The following BBX variants were observed in gnomAD, a reference collection of about 807,000 sequenced individuals.
The protein encoded by BBX is HMG box transcription factor BBX.
Under a neutral mutation model 100.2 loss-of-function variants are expected in BBX, and 30 were observed. The ratio of observed to expected loss-of-function variants is 0.30; its 90% CI spans 0.22 to 0.41. The LOEUF (loss-of-function observed/expected upper bound fraction) is 0.41. Among genes scored for constraint, BBX ranks in the 10% least tolerant of loss-of-function variants. The pLI, the probability that BBX is intolerant of heterozygous loss-of-function variation, is 1.00. For synonymous variants in BBX, 376 were observed against 388.1 expected (o/e 0.97, Z 0.37); for missense variants, 1,023 against 1,129.8 (o/e 0.91, Z 1.35).
chr3:107,693,789 G>A (rs1342297383), intron 3 of BBX, among the ~76,000 whole-genome samples: 22 of 151,170 alleles, frequency 1.5e-4, no homozygotes, highest in South Asian at 4.2e-4. Flanking sequence ...TACCTTGGGT[G>A]GTATGGCCAT....
intron 2 of BBX, among the ~76,000 whole-genome samples, chr3:107,531,334 TC>T (rs2048147082): frequency 6.6e-6 from 1 of 152,178 alleles, no homozygotes; most frequent in Non-Finnish European, 1.5e-5. Context: ...TCCTGCTGCC[TC>T]TATTGCTTAT....
chr3:107,741,581 A>T (rs1019001954), intron 7 of BBX, among the ~76,000 whole-genome samples: 1 of 152,162 alleles, frequency 6.6e-6, no homozygotes, highest in African/African-American at 2.4e-5. Context: ...CTACTTATTT[A>T]ATATTTTTTC....
chr3:107,620,565 G>A (rs2055665603), intron 2 of BBX, among the ~76,000 whole-genome samples: 2 of 152,182 alleles, frequency 1.3e-5, no homozygotes, highest in South Asian at 2.1e-4. Flanking sequence ...GGATGGCGCT[G>A]TCTTATTATT....
intron 2 of BBX, among the ~76,000 whole-genome samples, chr3:107,627,617 A>G (rs1180431452): frequency 1.3e-5 from 2 of 152,194 alleles, no homozygotes; most frequent in Non-Finnish European, 2.9e-5. Flanking sequence ...TGCATTTTTT[A>G]TGATTGAATA....
At chr3:107,632,862 A>G (rs1308054874) in intron 2 of BBX, among the ~76,000 whole-genome samples, 2 of 152,228 alleles carry the variant, frequency 1.3e-5, no homozygotes, top group African/African-American at 2.4e-5. Context: ...ATTAGAAGAT[A>G]AAATCCCTTG....
At chr3:107,760,282 A>G (rs913719519) in intron 10 of BBX, among the ~76,000 whole-genome samples, 4 of 152,252 alleles carry the variant, frequency 2.6e-5, no homozygotes, top group African/African-American at 4.8e-5. Flanking sequence ...AAAAGTCTCT[A>G]TGGAAGACAG....
intron 3 of BBX, among the ~76,000 whole-genome samples, chr3:107,710,209 G>A (rs1253110652): frequency 4.6e-5 from 7 of 152,148 alleles, no homozygotes; most frequent in Non-Finnish European, 1.0e-4. Context: ...TTCACAAAAC[G>A]CAAATTTTAT....
chr3:107,684,002 C>T lies in BBX; in HGVS notation c.-9-26450C>T, dbSNP rs370588309. Among the ~76,000 whole-genome samples the T allele has an allele frequency of 1.8e-4, 28 of 152,230 alleles. 1 individual carries two copies. The South Asian group carries it at 5.8e-3, about 32-fold the overall frequency. ...TTCAGTTAAATCCTACTGTTGCTCT[C>T]TACTAACTGAACTTTAAGTTATCAA... On this transcript the variant is annotated intron_variant, in intron 3 of 17. Coordinates refer to ENST00000325805, the MANE Select transcript of BBX (RefSeq NM_001142568.3).
chr3:107,783,170 A>G (rs1471901518), intron 13 of BBX, among the ~76,000 whole-genome samples: 1 of 152,118 alleles, frequency 6.6e-6, no homozygotes, highest in Non-Finnish European at 1.5e-5. Flanking sequence ...CAAATTTTTC[A>G]CTTCTTGACT....
chr3:107,649,173 T>C (rs1272310370), intron 3 of BBX, among the ~76,000 whole-genome samples: 1 of 152,182 alleles, frequency 6.6e-6, no homozygotes, highest in Non-Finnish European at 1.5e-5. Context: ...AAGAATGGCA[T>C]GGAAGCAAAC....
intron 1 of BBX, among the ~76,000 whole-genome samples, chr3:107,525,894 C>T (rs2047735109): frequency 6.6e-6 from 1 of 152,214 alleles, no homozygotes; most frequent in African/African-American, 2.4e-5. Context: ...GGTGGCACCT[C>T]CCGCCGTCTC....
chr3:107,653,230 A>G (rs1383203486), intron 3 of BBX, among the ~76,000 whole-genome samples: 1 of 152,124 alleles, frequency 6.6e-6, no homozygotes, highest in African/African-American at 2.4e-5. Context: ...AACCACAAAA[A>G]ATTTCTCTAT....
At chr3:107,801,733 C>T (rs2108038854) in intron 17 of BBX, among the ~76,000 whole-genome samples, 1 of 152,212 alleles carries the variant, frequency 6.6e-6, no homozygotes, top group South Asian at 2.1e-4. Context: ...ACTCTAGCAT[C>T]CCAGTGCTGG....
chr3:107,617,119 GC>G (rs1240576678), intron 2 of BBX, among the ~76,000 whole-genome samples: 1 of 152,038 alleles, frequency 6.6e-6, no homozygotes, highest in Non-Finnish European at 1.5e-5. Context: ...AAGTCTACTC[GC>G]TGTAGCACAG....
chr3:107,587,959 C>T lies in BBX; in HGVS notation c.-83-57877C>T, dbSNP rs545375578. On this transcript the variant is annotated intron_variant, in intron 2 of 17. Coordinates refer to ENST00000325805, the MANE Select transcript of BBX (RefSeq NM_001142568.3). ...CCTTTAGTAATTCACAGTTTTACAG[C>T]AAGTTGGCAGAAAGCCAGCCAAAAA... Among the ~76,000 whole-genome samples, 6 of 152,290 alleles carry T rather than the reference C, an allele frequency of 3.9e-5. No individual in the cohort carries two copies. In the South Asian group the frequency reaches 1.2e-3, roughly 32 times the overall value.
intron 2 of BBX, among the ~76,000 whole-genome samples, chr3:107,586,507 T>G (rs2107575578): frequency 6.6e-6 from 1 of 152,320 alleles, no homozygotes; most frequent in South Asian, 2.1e-4. Flanking sequence ...TAATGTCTTC[T>G]TGGTTGCCTA....
chr3:107,604,668 A>T lies in BBX; in HGVS notation c.-83-41168A>T, dbSNP rs531455006. Among the ~76,000 whole-genome samples, 36 of 152,294 alleles carry T rather than the reference A, an allele frequency of 2.4e-4. 1 individual carries two copies. In the South Asian group the frequency reaches 7.5e-3, roughly 32 times the overall value. On this transcript the variant is annotated intron_variant, in intron 2 of 17. Coordinates refer to ENST00000325805, the MANE Select transcript of BBX (RefSeq NM_001142568.3). Reference sequence around the variant, plus strand: ...TCATGTGGAGCTCAAAGTCAGCTCAAGCCCTTAGTTCTTTTTCAAGTACAT... The same window carrying T: ...TCATGTGGAGCTCAAAGTCAGCTCATGCCCTTAGTTCTTTTTCAAGTACAT...
At chr3:107,606,535 T>G (rs1156654031) in intron 2 of BBX, among the ~76,000 whole-genome samples, 1 of 152,226 alleles carries the variant, frequency 6.6e-6, no homozygotes, top group Non-Finnish European at 1.5e-5. Flanking sequence ...ACATCCTTGG[T>G]TTCTCTACCC....
intron 2 of BBX, among the ~76,000 whole-genome samples, chr3:107,549,279 C>T (rs950436885): frequency 3.3e-5 from 5 of 152,084 alleles, no homozygotes; most frequent in Non-Finnish European, 7.3e-5. Flanking sequence ...ATTAAAAATA[C>T]TGCCTTTATG....
Sources: allele counts gnomAD v4.1 joint callset (sites outside exome capture counted in the v4.1 genomes callset), GRCh38; gene constraint gnomAD v4.1.1; transcripts MANE v1.5; gene names NCBI Gene and HGNC (gene_info 2026-07-23, HGNC 2026-07-21).